Variants in PRKG1 observed in about 807,000 individuals in gnomAD.
PRKG1 encodes cGMP-dependent protein kinase 1.
A neutral mutation model predicts 88.1 loss-of-function variants in PRKG1; 35 were observed. That is an observed-to-expected ratio of 0.40 (90% CI 0.30 to 0.53). The LOEUF (loss-of-function observed/expected upper bound fraction) is 0.53. PRKG1 is among the 20% of genes least tolerant of loss of function. PRKG1 has a pLI of 0.59. For synonymous variants in PRKG1, 303 were observed against 292.5 expected (o/e 1.04, Z -0.37); for missense variants, 540 against 839.8 (o/e 0.64, Z 4.41).
chr10:51,523,088 A>C (rs1053220024), intron 3 of PRKG1, among the ~76,000 whole-genome samples: 1 of 152,218 alleles, frequency 6.6e-6, no homozygotes, highest in Non-Finnish European at 1.5e-5. Context: ...GCAACACCAG[A>C]TACTGCGAGG....
chr10:52,024,298 C>T lies in PRKG1; in HGVS notation c.763-30186C>T, dbSNP rs192885597. 2.7e-3 allele frequency among the ~76,000 whole-genome samples: 383 copies of T among 142,806 alleles called. 2 individuals carry two copies. Among genetic ancestry groups the T allele is most frequent in the African/African-American group, 9.3e-3 (353 of 38,144 alleles). 93.7% of individuals were successfully genotyped at this position (142,806 alleles called of 152,430 possible). A position where few individuals can be genotyped will look rare whatever the true frequency, so the allele number is the denominator to read the frequency against. The stretch of plus-strand genomic sequence containing the variant: ...AAACTACTTTACTTATTTATTTATT[C>T]ATTTATTTATTTATTTAACTTTTTT... On this transcript the variant is annotated intron_variant, in intron 5 of 17. Transcript: ENST00000373980.
At chr10:51,312,119 G>T (rs995167311) in intron 2 of PRKG1, among the ~76,000 whole-genome samples, 3 of 152,056 alleles carry the variant, frequency 2.0e-5, no homozygotes, top group Non-Finnish European at 4.4e-5. Flanking sequence ...TGATCTGCCC[G>T]CCTCGGCCTC....
At chr10:51,165,510 A>C (rs1846513471) in intron 2 of PRKG1, among the ~76,000 whole-genome samples, 1 of 152,208 alleles carries the variant, frequency 6.6e-6, no homozygotes, top group South Asian at 2.1e-4. Context: ...TAACCAGCTA[A>C]CATCATAATG....
chr10:51,878,312 A>C (rs1841351648), intron 4 of PRKG1, among the ~76,000 whole-genome samples: 1 of 151,986 alleles, frequency 6.6e-6, no homozygotes, highest in Admixed American at 6.6e-5. Flanking sequence ...ATTATTTCAC[A>C]ACTATTTTGA....
chr10:51,785,835 G>A (rs1045624480), intron 3 of PRKG1, among the ~76,000 whole-genome samples: 8 of 152,038 alleles, frequency 5.3e-5, no homozygotes, highest in Admixed American at 2.6e-4. Context: ...TACTTTTGTC[G>A]GTGACTGGGA....
rs370275647 is a variant in PRKG1, at chr10:51,768,384, CTT to C, written c.593-36199_593-36198del. Among the ~76,000 whole-genome samples the C allele has an allele frequency of 4.1e-4, 62 of 152,192 alleles. 1 individual carries two copies. The East Asian group carries it at 0.011, about 26-fold the overall frequency. On this transcript the variant is annotated intron_variant, in intron 3 of 17. Coordinates refer to ENST00000373980, the MANE Select transcript of PRKG1 (RefSeq NM_006258.4). ...ATACTTTTTAGCTCTAAGTAGTTCT[CTT>C]TGGCTATTTTTTCTTAATTTTAAAA...
At chr10:52,142,877 G>A (rs1041600373) in intron 8 of PRKG1, among the ~76,000 whole-genome samples, 2 of 152,056 alleles carry the variant, frequency 1.3e-5, no homozygotes, top group African/African-American at 4.8e-5. Context: ...ACAAGCTTAA[G>A]GAGGACAGGA....
chr10:51,552,280 A>T (rs960742969), intron 3 of PRKG1, among the ~76,000 whole-genome samples: 14 of 151,668 alleles, frequency 9.2e-5, no homozygotes, highest in African/African-American at 2.7e-4. Context: ...GTTTCTAATA[A>T]TGTCTATTTC....
chr10:51,866,866 G>A (rs932094271), intron 4 of PRKG1, among the ~76,000 whole-genome samples: 1 of 152,132 alleles, frequency 6.6e-6, no homozygotes, highest in Non-Finnish European at 1.5e-5. Context: ...TACAAAGATG[G>A]AGTAAAACAT....
chr10:51,725,041 A>T (rs899313698), intron 3 of PRKG1, among the ~76,000 whole-genome samples: 1 of 152,116 alleles, frequency 6.6e-6, no homozygotes, highest in African/African-American at 2.4e-5. Context: ...GAAAAAATCA[A>T]GCACTTTATA....
At chr10:51,748,297 C>A (rs1837631830) in intron 3 of PRKG1, among the ~76,000 whole-genome samples, 1 of 152,188 alleles carries the variant, frequency 6.6e-6, no homozygotes, top group South Asian at 2.1e-4. Flanking sequence ...TCCATGGTCA[C>A]TGGGCAACAG....
chr10:51,743,726 A>AT (rs1274767875), intron 3 of PRKG1, among the ~76,000 whole-genome samples: 478 of 39,340 alleles, frequency 0.012, 13 homozygotes, highest in African/African-American at 0.024. Context: ...ATATATATAT[A>AT]ATATAAACTA....
rs1433620169 is a variant in PRKG1, at chr10:52,282,387, C to T, written c.1709+71C>T. 3.6e-6 allele frequency: 5 copies of T among 1,397,282 alleles called. No individual in the cohort carries two copies. In the African/African-American group the frequency reaches 5.8e-5, roughly 16 times the overall value. 86.6% of individuals were successfully genotyped at this position (1,397,282 alleles called of 1,614,324 possible). ...CAGCTACACACTCCTGCTTTTGTCACTTGGATTAGACCATCTTAAAGTACT... is the reference window on the plus strand; with the variant it reads ...CAGCTACACACTCCTGCTTTTGTCATTTGGATTAGACCATCTTAAAGTACT... On this transcript the variant is annotated intron_variant, in intron 14 of 17. Transcript: ENST00000373980.
chr10:52,251,251 C>T lies in PRKG1; in HGVS notation c.1077-319C>T, dbSNP rs147425480. Among the ~76,000 whole-genome samples the T allele has an allele frequency of 5.9e-5, 9 of 152,262 alleles. No individual in the cohort carries two copies. The Middle Eastern group carries it at 0.01, about 173-fold the overall frequency. On this transcript the variant is annotated intron_variant, in intron 9 of 17. Coordinates refer to ENST00000373980, the MANE Select transcript of PRKG1 (RefSeq NM_006258.4). ...ACCAAAAAAGAACAACTCAAACAAT[C>T]CGTGTTCACAAGAAGACGCGTAGAA...
intron 4 of PRKG1, among the ~76,000 whole-genome samples, chr10:51,902,149 T>C (rs1204045625): frequency 1.3e-5 from 2 of 152,152 alleles, no homozygotes; most frequent in South Asian, 2.1e-4. Flanking sequence ...AGTTTTGCTC[T>C]CGTTGCCCAG....
chr10:51,915,092 T>C (rs1842309161), intron 5 of PRKG1, among the ~76,000 whole-genome samples: 2 of 152,194 alleles, frequency 1.3e-5, no homozygotes, highest in Non-Finnish European at 2.9e-5. Context: ...ATTTAGTTGT[T>C]TTGGCTGTGC....
At chr10:51,764,727 G>A (rs1250043090) in intron 3 of PRKG1, among the ~76,000 whole-genome samples, 1 of 152,090 alleles carries the variant, frequency 6.6e-6, no homozygotes, top group Admixed American at 6.5e-5. Context: ...GCTTACTATT[G>A]TCTGAATGTT....
chr10:52,062,160 T>G (rs1356906276), intron 6 of PRKG1, among the ~76,000 whole-genome samples: 2 of 152,080 alleles, frequency 1.3e-5, no homozygotes, highest in Admixed American at 1.3e-4. Context: ...ACTACCTATG[T>G]TATTAATATA....
Position 51,470,601 on chromosome 10 carries a change from A to C in PRKG1, c.592+2765A>C, listed in dbSNP as rs557722705. ...CCTAGGTAGCATTCAATAGTTTTTC[A>C]ATGTACATTACTTGTTTCCTGTTTA... is the stretch of plus-strand genomic sequence containing the variant. On this transcript the variant is annotated intron_variant, in intron 3 of 17. Transcript: ENST00000373980. Among the ~76,000 whole-genome samples the C allele has an allele frequency of 2.0e-5, 3 of 152,032 alleles. No individual in the cohort carries two copies. The East Asian group carries it at 5.8e-4, about 29-fold the overall frequency.
Sources: allele counts gnomAD v4.1 joint callset (sites outside exome capture counted in the v4.1 genomes callset), GRCh38; gene constraint gnomAD v4.1.1; transcripts MANE v1.5; gene names NCBI Gene and HGNC (gene_info 2026-07-23, HGNC 2026-07-21).